The following DAB1 variants were observed in gnomAD, a reference collection of about 807,000 sequenced individuals.
DAB1 encodes the protein disabled homolog 1.
In DAB1, 15 loss-of-function variants were observed where a neutral mutation model predicts 64.6. That is an observed-to-expected ratio of 0.23 (90% CI 0.16 to 0.36). The LOEUF (loss-of-function observed/expected upper bound fraction) is 0.36. Among genes scored for constraint, DAB1 ranks in the 10% least tolerant of loss-of-function variants. The pLI is 1.00. For missense variants in DAB1, 596 were observed against 706.7 expected, an observed-to-expected ratio of 0.84 and a Z score of 1.78; for synonymous variants, 235 against 251.9, an observed-to-expected ratio of 0.93 and a Z score of 0.64.
intron 3 of DAB1, among the ~76,000 whole-genome samples, chr1:58,387,720 T>TC (rs1557746594): frequency 9.7e-6 from 1 of 103,200 alleles, no homozygotes; most frequent in African/African-American, 4.4e-5. Context: ...TTCTTTTCTT[T>TC]TCTTTTTTTT....
chr1:57,055,169 G>A (rs1278271794), intron 9 of DAB1, among the ~76,000 whole-genome samples: 1 of 152,338 alleles, frequency 6.6e-6, no homozygotes, highest in East Asian at 1.9e-4. Flanking sequence ...CACAAGAGAA[G>A]TTAGTCCCTG....
chr1:58,380,047 T>C (rs1438827278), intron 3 of DAB1, among the ~76,000 whole-genome samples: 1 of 152,212 alleles, frequency 6.6e-6, no homozygotes, highest in Non-Finnish European at 1.5e-5. Flanking sequence ...GTACTTTCTC[T>C]TCCTCAGCTA....
At chr1:57,050,344 C>T (rs947160933) in intron 9 of DAB1, among the ~76,000 whole-genome samples, 3 of 152,166 alleles carry the variant, frequency 2.0e-5, no homozygotes, top group Admixed American at 6.5e-5. Flanking sequence ...CATTCTAACA[C>T]CTGAAAGCAT....
At chr1:57,636,999 C>T (rs998414544) in intron 7 of DAB1, among the ~76,000 whole-genome samples, 1 of 152,114 alleles carries the variant, frequency 6.6e-6, no homozygotes, top group Admixed American at 6.5e-5. Context: ...ATTTGTAAAG[C>T]TGTACATAAA....
intron 4 of DAB1, among the ~76,000 whole-genome samples, chr1:57,100,366 C>G (rs930399167): frequency 6.6e-6 from 1 of 152,136 alleles, no homozygotes; most frequent in Non-Finnish European, 1.5e-5. Context: ...AAAAATCAGA[C>G]AAGTAGCTAT....
At chr1:58,261,413 C>T (rs761959846) in intron 4 of DAB1, among the ~76,000 whole-genome samples, 1 of 152,120 alleles carries the variant, frequency 6.6e-6, no homozygotes, top group African/African-American at 2.4e-5. Flanking sequence ...TCCTGAATTG[C>T]CTTACCTGAT....
At chr1:58,530,867 T>C (rs981942500) in intron 1 of DAB1, 1 of 590,342 alleles carries the variant, frequency 1.7e-6, no homozygotes, top group Non-Finnish European at 3.0e-6. Context: ...TTCTTTTGCT[T>C]ATTCTTTCCG....
intron 7 of DAB1, among the ~76,000 whole-genome samples, chr1:57,432,970 AAATATCATTTAT>A (rs1685569069): frequency 1.3e-5 from 2 of 152,224 alleles, no homozygotes; most frequent in African/African-American, 4.8e-5. Flanking sequence ...TGAAAACTTA[AAATATCATTTAT>A]AATAACACAG....
intron 2 of DAB1, among the ~76,000 whole-genome samples, chr1:57,246,886 G>T (rs1401924205): frequency 6.6e-6 from 1 of 152,198 alleles, no homozygotes; most frequent in African/African-American, 2.4e-5. Context: ...CTTGTATGGG[G>T]CCTGTAGCCC....
chr1:58,021,729 G>C (rs78813262), intron 5 of DAB1, among the ~76,000 whole-genome samples: 52 of 152,286 alleles, frequency 3.4e-4, no homozygotes, highest in African/African-American at 1.2e-3. Context: ...GAAGTCTGGA[G>C]GTAAATGTAG....
intron 1 of DAB1, among the ~76,000 whole-genome samples, chr1:57,386,174 T>G (rs939516494): frequency 6.6e-6 from 1 of 152,062 alleles, no homozygotes; most frequent in Non-Finnish European, 1.5e-5. Context: ...ATAAATGGCA[T>G]GGATGGTATC....
intron 5 of DAB1, among the ~76,000 whole-genome samples, chr1:57,969,494 T>C (rs1021721948): frequency 6.6e-6 from 1 of 152,138 alleles, no homozygotes; most frequent in Non-Finnish European, 1.5e-5. Flanking sequence ...TGTTTTGATG[T>C]AATGTTTGTA....
chr1:58,025,657 A>ATATATATATATATATATGTGTGTG (rs1646882300), intron 5 of DAB1, among the ~76,000 whole-genome samples: 1 of 125,272 alleles, frequency 8.0e-6, no homozygotes, highest in African/African-American at 2.9e-5. Context: ...GTGTGTATAT[A>ATATATATATATATATATGTGTGTG]TATATATATA....
chr1:57,320,538 A>G (rs755744506), intron 1 of DAB1, among the ~76,000 whole-genome samples: 10 of 152,204 alleles, frequency 6.6e-5, no homozygotes, highest in African/African-American at 1.7e-4. Flanking sequence ...CAAAGATTCT[A>G]TATAAACCTA....
chr1:57,507,725 T>A (rs1282690719), intron 7 of DAB1, among the ~76,000 whole-genome samples: 2 of 152,214 alleles, frequency 1.3e-5, no homozygotes, highest in Non-Finnish European at 2.9e-5. Flanking sequence ...GTAAATGGGC[T>A]TCCGCATTTA....
At chr1:57,047,546 G>A (rs1248563813) in intron 9 of DAB1, among the ~76,000 whole-genome samples, 1 of 152,152 alleles carries the variant, frequency 6.6e-6, no homozygotes, top group Admixed American at 6.5e-5. Flanking sequence ...GCCGCATGAG[G>A]ACATAAGGAG....
intron 3 of DAB1, among the ~76,000 whole-genome samples, chr1:58,356,353 G>T (rs1001996130): frequency 1.3e-5 from 2 of 152,144 alleles, no homozygotes; most frequent in African/African-American, 4.8e-5. Context: ...GGGAAGACCT[G>T]CTCACAAGAC....
At chr1:57,254,050 C>T (rs1669573953) in intron 2 of DAB1, among the ~76,000 whole-genome samples, 1 of 152,192 alleles carries the variant, frequency 6.6e-6, no homozygotes, top group Non-Finnish European at 1.5e-5. Context: ...GAATCTTCCC[C>T]TTCTTTTGAG....
chr1:58,390,964 A>G (rs989396437), intron 3 of DAB1, among the ~76,000 whole-genome samples: 1 of 152,206 alleles, frequency 6.6e-6, no homozygotes, highest in Non-Finnish European at 1.5e-5. Context: ...TCCTCTCCCC[A>G]TATGTTATAA....
Sources: allele counts gnomAD v4.1 joint callset (sites outside exome capture counted in the v4.1 genomes callset), GRCh38; gene constraint gnomAD v4.1.1; transcripts MANE v1.5; gene names NCBI Gene and HGNC (gene_info 2026-07-23, HGNC 2026-07-21).